The following CHST11 variants were observed in gnomAD, a reference collection of about 807,000 sequenced individuals.
CHST11 encodes the protein carbohydrate sulfotransferase 11.
Under a neutral mutation model 30.4 loss-of-function variants are expected in CHST11, and 9 were observed. That is an observed-to-expected ratio of 0.30 (90% CI 0.18 to 0.52). CHST11 has a LOEUF of 0.52. Among genes scored for constraint, CHST11 ranks in the 20% least tolerant of loss-of-function variants. CHST11 has a pLI of 0.97. For missense variants in CHST11, 348 were observed against 460.6 expected (o/e 0.76, Z 2.24); for synonymous variants, 152 against 187.8 (o/e 0.81, Z 1.56).
At chr12:104,731,794 G>T (rs2040260583) in intron 2 of CHST11, among the ~76,000 whole-genome samples, 1 of 152,250 alleles carries the variant, frequency 6.6e-6, no homozygotes, top group South Asian at 2.1e-4. Flanking sequence ...GTCCATCCGT[G>T]TCATGATTCC....
At chr12:104,491,607 TA>T (rs935682295) in intron 1 of CHST11, among the ~76,000 whole-genome samples, 5 of 152,142 alleles carry the variant, frequency 3.3e-5, no homozygotes, top group South Asian at 2.1e-4. Flanking sequence ...TAGCTAGGAC[TA>T]CAGGTTTGTG....
At chr12:104,737,243 G>C (rs747321372) in intron 2 of CHST11, among the ~76,000 whole-genome samples, 1 of 152,184 alleles carries the variant, frequency 6.6e-6, no homozygotes, top group Non-Finnish European at 1.5e-5. Flanking sequence ...GCCATCCCCC[G>C]TGGGAATGAC....
intron 2 of CHST11, among the ~76,000 whole-genome samples, chr12:104,647,541 T>A (rs11612429): frequency 8.5e-5 from 13 of 152,186 alleles, no homozygotes; most frequent in African/African-American, 2.7e-4. Flanking sequence ...TACATTTTTT[T>A]AAAAACAAGA....
At chr12:104,574,292 A>G (rs887632689) in intron 1 of CHST11, among the ~76,000 whole-genome samples, 12 of 152,164 alleles carry the variant, frequency 7.9e-5, no homozygotes, top group Non-Finnish European at 1.0e-4. Context: ...CCATTGTGGA[A>G]GTCAGTGTGG....
At chr12:104,730,921 C>A (rs2040252055) in intron 2 of CHST11, among the ~76,000 whole-genome samples, 2 of 152,208 alleles carry the variant, frequency 1.3e-5, no homozygotes, top group Non-Finnish European at 2.9e-5. Flanking sequence ...CTGGTCCCAG[C>A]TGTGAGGTAG....
intron 2 of CHST11, among the ~76,000 whole-genome samples, chr12:104,659,790 A>ACCCCCCCCCC (rs36101250): frequency 6.8e-6 from 1 of 146,456 alleles, no homozygotes; most frequent in Non-Finnish European, 1.5e-5. Context: ...ACATAGTGAG[A>ACCCCCCCCCC]CCCCCCCCCG....
intron 2 of CHST11, among the ~76,000 whole-genome samples, chr12:104,622,088 C>T (rs2039165384): frequency 6.6e-6 from 1 of 152,228 alleles, no homozygotes; most frequent in Non-Finnish European, 1.5e-5. Context: ...TCATGGCTTA[C>T]ATACCGGCAG....
chr12:104,532,921 G>A (rs1292799634), intron 1 of CHST11, among the ~76,000 whole-genome samples: 1 of 152,062 alleles, frequency 6.6e-6, no homozygotes, highest in Non-Finnish European at 1.5e-5. Context: ...GTGCTGTTGT[G>A]TGTCACTGCC....
At chr12:104,731,227 A>T (rs1469371900) in intron 2 of CHST11, among the ~76,000 whole-genome samples, 1 of 152,208 alleles carries the variant, frequency 6.6e-6, no homozygotes, top group African/African-American at 2.4e-5. Flanking sequence ...GGGTGAATGT[A>T]TCTATCACCC....
At chr12:104,722,504 G>A (rs1340190674) in intron 2 of CHST11, among the ~76,000 whole-genome samples, 1 of 152,156 alleles carries the variant, frequency 6.6e-6, no homozygotes, top group Non-Finnish European at 1.5e-5. Context: ...GAAACACAGT[G>A]TAAGTGCCTC....
At chr12:104,618,224 C>T (rs12825144) in intron 2 of CHST11, among the ~76,000 whole-genome samples, 28,026 of 72,862 alleles carry the variant, frequency 0.38, 3,643 homozygotes, top group East Asian at 0.54. Flanking sequence ...CTTTTCTTTT[C>T]TTTTTTTTTT....
At chr12:104,673,998 C>T (rs1173010996) in intron 2 of CHST11, among the ~76,000 whole-genome samples, 2 of 152,240 alleles carry the variant, frequency 1.3e-5, no homozygotes, top group African/African-American at 4.8e-5. Context: ...TGTCAGCTCT[C>T]CCGGCCTCTG....
At chr12:104,544,205 C>T (rs1161313880) in intron 1 of CHST11, among the ~76,000 whole-genome samples, 1 of 146,086 alleles carries the variant, frequency 6.8e-6, no homozygotes, top group Non-Finnish European at 1.5e-5. Context: ...CTAATTAACG[C>T]TCATACATAG....
chr12:104,613,759 T>C (rs1232312538), intron 2 of CHST11, among the ~76,000 whole-genome samples: 1 of 152,164 alleles, frequency 6.6e-6, no homozygotes, highest in Non-Finnish European at 1.5e-5. Flanking sequence ...AGTGCAAGAA[T>C]GGACTAATAC....
intron 2 of CHST11, among the ~76,000 whole-genome samples, chr12:104,606,180 G>GT (rs920146342): frequency 6.6e-5 from 9 of 135,610 alleles, no homozygotes; most frequent in Admixed American, 5.9e-4. Flanking sequence ...GGGGGCGGGG[G>GT]GGGGAATGGC....
intron 1 of CHST11, among the ~76,000 whole-genome samples, chr12:104,488,305 G>A (rs1038224366): frequency 1.2e-4 from 18 of 152,120 alleles, no homozygotes; most frequent in African/African-American, 4.3e-4. Flanking sequence ...CACATGCAAA[G>A]CCCCTTGGGG....
At chr12:104,550,054 T>A (rs1368682992) in intron 1 of CHST11, among the ~76,000 whole-genome samples, 5 of 152,174 alleles carry the variant, frequency 3.3e-5, no homozygotes, top group Non-Finnish European at 7.4e-5. Flanking sequence ...GGAGTCAGAA[T>A]CGATACCTAC....
chr12:104,523,454 C>T (rs996506436), intron 1 of CHST11, among the ~76,000 whole-genome samples: 1 of 152,094 alleles, frequency 6.6e-6, no homozygotes, highest in Non-Finnish European at 1.5e-5. Flanking sequence ...CGTGTGGCCT[C>T]AGATGTTTTT....
At chr12:104,705,089 C>T (rs1275972001) in intron 2 of CHST11, among the ~76,000 whole-genome samples, 1 of 152,204 alleles carries the variant, frequency 6.6e-6, no homozygotes, top group Admixed American at 6.5e-5. Context: ...AGAGAAGCCT[C>T]TCTGCTGATT....
Sources: gnomAD v4.1 joint callset for allele counts (sites outside exome capture counted in the v4.1 genomes callset) on GRCh38, gnomAD v4.1.1 for gene constraint, MANE v1.5 for transcripts, NCBI Gene and HGNC (gene_info 2026-07-23, HGNC 2026-07-21) for gene names.